RIC1: variants seen among roughly 807,000 people sequenced by gnomAD.
The protein encoded by RIC1 is RIC1 partner of RAB6A GEF complex.
In RIC1, 88 loss-of-function variants were observed where a neutral mutation model predicts 169.0. The ratio of observed to expected loss-of-function variants is 0.52; its 90% CI spans 0.44 to 0.62. RIC1 has a LOEUF of 0.62. Among genes scored for constraint, RIC1 ranks in the 20% least tolerant of loss-of-function variants. The pLI is 0.00. For synonymous variants in RIC1, 790 were observed against 601.5 expected (o/e 1.31, Z -4.59); for missense variants, 1,877 against 1,725.5 (o/e 1.09, Z -1.56).
At chr9:5,691,531 A>G (rs919221147) in intron 3 of RIC1, among the ~76,000 whole-genome samples, 1 of 151,974 alleles carries the variant, frequency 6.6e-6, no homozygotes, top group Non-Finnish European at 1.5e-5. Context: ...TAGTGCAAAA[A>G]TTTTTGACAC....
rs1017736248 is a variant in RIC1, at chr9:5,774,357, G to C, written c.*111G>C. The C allele has an allele frequency of 3.5e-6, 3 of 866,026 alleles. No homozygotes were observed. Among genetic ancestry groups the C allele is most frequent in the African/African-American group, 1.7e-5 (1 of 60,222 alleles). The allele number at this position is 866,026 out of a possible 1,614,324, so 53.6% of individuals were successfully genotyped here. ...GGAGAACTCAGTTCAGAGACTCTTC[G>C]GTAAGTATTAGTAGATTTTAACTAA... On this transcript the variant is annotated 3_prime_UTR_variant, in exon 26 of 26. Transcript: ENST00000414202.
At chr9:5,725,328 T>G (rs1367536593) in intron 6 of RIC1, among the ~76,000 whole-genome samples, 1 of 152,228 alleles carries the variant, frequency 6.6e-6, no homozygotes, top group Non-Finnish European at 1.5e-5. Flanking sequence ...CTTCTAGAGT[T>G]TCTAGTTTAT....
At chr9:5,733,891 C>A (rs540954078) in intron 7 of RIC1, among the ~76,000 whole-genome samples, 1 of 151,456 alleles carries the variant, frequency 6.6e-6, no homozygotes, top group Non-Finnish European at 1.5e-5. Context: ...GAATCCCTCC[C>A]TTCTTTGTCT....
At chr9:5,721,307 C>A (rs762317722) in intron 6 of RIC1, among the ~76,000 whole-genome samples, 2 of 152,106 alleles carry the variant, frequency 1.3e-5, no homozygotes, top group Non-Finnish European at 2.9e-5. Context: ...TGTCACACAG[C>A]CAGGAAAGAT....
chr9:5,771,742 C>G (rs1443567122), intron 23 of RIC1, among the ~76,000 whole-genome samples: 1 of 152,032 alleles, frequency 6.6e-6, no homozygotes, highest in Non-Finnish European at 1.5e-5. Context: ...CTTTAGAAAA[C>G]TTTTTTCAAG....
At chr9:5,723,281 T>A (rs930882463) in intron 6 of RIC1, among the ~76,000 whole-genome samples, 12 of 152,218 alleles carry the variant, frequency 7.9e-5, no homozygotes, top group Non-Finnish European at 1.2e-4. Context: ...TCATTGTGGT[T>A]TTGATTTGCA....
intron 3 of RIC1, among the ~76,000 whole-genome samples, chr9:5,700,444 A>T (rs1226646596): frequency 2.0e-5 from 3 of 152,130 alleles, no homozygotes; most frequent in African/African-American, 7.2e-5. Flanking sequence ...TTAGAGCTTC[A>T]AAATAATAAC....
chr9:5,776,191 C>T lies in RIC1; in HGVS notation c.*1945C>T, dbSNP rs1563733913. ...GGGTTAGGCCGTGAATGAATCATTT[C>T]TTTTATACAATATTCTTTTACAACT... is the stretch of plus-strand genomic sequence containing the variant. On this transcript the variant is annotated 3_prime_UTR_variant, in exon 26 of 26. Coordinates refer to ENST00000414202, the MANE Select transcript of RIC1 (RefSeq NM_020829.4). The T allele has an allele frequency of 6.6e-6, 1 of 152,104 alleles. No homozygotes were observed. The highest frequency in any genetic ancestry group is 6.5e-5 in the Admixed American group (1 of 15,276). 9.4% of individuals were successfully genotyped at this position (152,104 alleles called of 1,614,324 possible).
chr9:5,635,790 G>A (rs1817944606), intron 1 of RIC1, among the ~76,000 whole-genome samples: 1 of 152,114 alleles, frequency 6.6e-6, no homozygotes, highest in Non-Finnish European at 1.5e-5. Context: ...GTGTTTGACT[G>A]TTCCTTCTAC....
intron 3 of RIC1, among the ~76,000 whole-genome samples, chr9:5,700,772 A>G (rs1340626612): frequency 6.6e-6 from 1 of 152,190 alleles, no homozygotes; most frequent in African/African-American, 2.4e-5. Flanking sequence ...TCGTTGGAAC[A>G]GATCACTTAA....
In RIC1 at chr9:5,774,377, A is replaced by C; in HGVS notation, c.*131A>C. 2 of 667,546 alleles carry C rather than the reference A, an allele frequency of 3.0e-6. No homozygotes were observed. The highest frequency in any genetic ancestry group is 2.3e-6 in the Non-Finnish European group (1 of 430,966). The allele number at this position is 667,546 out of a possible 1,614,324, so 41.4% of individuals were successfully genotyped here. A position where few individuals can be genotyped will look rare whatever the true frequency, so the allele number is the denominator to read the frequency against. ...TCTTCGGTAAGTATTAGTAGATTTT[A>C]ACTAATTCTTTCTTGTCTAAGAAAT... On this transcript the variant is annotated 3_prime_UTR_variant, in exon 26 of 26. Transcript: ENST00000414202.
intron 3 of RIC1, among the ~76,000 whole-genome samples, chr9:5,696,750 T>A (rs1821929898): frequency 6.6e-6 from 1 of 152,234 alleles, no homozygotes; most frequent in Non-Finnish European, 1.5e-5. Flanking sequence ...CTGGGTCATA[T>A]CACATGTCTA....
At chr9:5,707,993 T>C (rs181101896) in intron 3 of RIC1, among the ~76,000 whole-genome samples, 2 of 152,138 alleles carry the variant, frequency 1.3e-5, no homozygotes, top group African/African-American at 2.4e-5. Context: ...TTGTTGTTTT[T>C]ATTGTTGTTG....
At chr9:5,696,190 T>G (rs1023506900) in intron 3 of RIC1, among the ~76,000 whole-genome samples, 15 of 152,148 alleles carry the variant, frequency 9.9e-5, no homozygotes, top group African/African-American at 3.4e-4. Flanking sequence ...GCTTATTCAC[T>G]AACTCATTTC....
At chr9:5,663,428 A>T (rs557402031) in intron 2 of RIC1, among the ~76,000 whole-genome samples, 98 of 152,212 alleles carry the variant, frequency 6.4e-4, no homozygotes, top group Non-Finnish European at 1.3e-3. Context: ...ATGGTGTGTT[A>T]AGTCTGCTAC....
intron 1 of RIC1, among the ~76,000 whole-genome samples, chr9:5,640,363 A>T (rs1430051011): frequency 1.3e-5 from 2 of 152,306 alleles, no homozygotes; most frequent in East Asian, 3.9e-4. Context: ...GTGTAATTAA[A>T]AGTGTAATTA....
chr9:5,647,421 T>C (rs1409656975), intron 1 of RIC1, among the ~76,000 whole-genome samples: 1 of 152,250 alleles, frequency 6.6e-6, no homozygotes, highest in Non-Finnish European at 1.5e-5. Flanking sequence ...CTTAACAATA[T>C]TAAATTTTCT....
At position 5,775,084 on chromosome 9, in the gene RIC1, GCTC is replaced by G. The variant is rs1029395506; in HGVS notation, c.*842_*844del. ...GTCTACACATACAAAGACAGGGCTTGCTCCTCTGCAAAACTGAGGAAGACAGGT... is the reference window on the plus strand; with the variant it reads ...GTCTACACATACAAAGACAGGGCTTGCTCTGCAAAACTGAGGAAGACAGGT... On this transcript the variant is annotated 3_prime_UTR_variant, in exon 26 of 26. Coordinates refer to ENST00000414202, the MANE Select transcript of RIC1 (RefSeq NM_020829.4). The G allele has an allele frequency of 1.3e-5, 2 of 152,192 alleles. No homozygotes were observed. Among genetic ancestry groups the G allele is most frequent in the Non-Finnish European group, 2.9e-5 (2 of 68,040 alleles). The allele number at this position is 152,192 out of a possible 1,614,324, so 9.4% of individuals were successfully genotyped here. A position where few individuals can be genotyped will look rare whatever the true frequency, so the allele number is the denominator to read the frequency against.
chr9:5,768,294 G>T (rs1826939127), intron 21 of RIC1, among the ~76,000 whole-genome samples: 1 of 152,206 alleles, frequency 6.6e-6, no homozygotes, highest in Non-Finnish European at 1.5e-5. Flanking sequence ...GGGAGGCCAA[G>T]GTGGGAGGAT....
Sources: gnomAD v4.1 joint callset for allele counts (sites outside exome capture counted in the v4.1 genomes callset) on GRCh38, gnomAD v4.1.1 for gene constraint, MANE v1.5 for transcripts, NCBI Gene and HGNC (gene_info 2026-07-23, HGNC 2026-07-21) for gene names.